The following CUX1 variants were observed in gnomAD, a reference collection of about 807,000 sequenced individuals.
The protein encoded by CUX1 is protein CASP.
Under a neutral mutation model 158.8 loss-of-function variants are expected in CUX1, and 31 were observed. The observed-to-expected ratio is 0.20, with a 90% CI of 0.15 to 0.26. CUX1 has a LOEUF of 0.26. Ranked by LOEUF, CUX1 falls within the 10% of genes least tolerant of loss-of-function variation. CUX1 has a pLI of 1.00. For missense variants in CUX1, 1,589 were observed against 2,014.6 expected, an observed-to-expected ratio of 0.79 and a Z score of 4.04; for synonymous variants, 879 against 862.1, an observed-to-expected ratio of 1.02 and a Z score of -0.34.
At chr7:102,259,549 C>A (rs1001173586), downstream of CUX1, among the ~76,000 whole-genome samples, 1 of 152,162 alleles carries the variant, frequency 6.6e-6, no homozygotes, top group African/African-American at 2.4e-5. Flanking sequence ...GATTGTGCCA[C>A]TGCACTCCGG....
At chr7:102,094,804 G>A (rs1262713721) in intron 4 of CUX1, among the ~76,000 whole-genome samples, 3 of 152,136 alleles carry the variant, frequency 2.0e-5, no homozygotes, top group Non-Finnish European at 4.4e-5. Context: ...GGCTGTGAAC[G>A]GGCTGTTCAC....
chr7:101,878,261 A>G (rs1162736361), intron 1 of CUX1, among the ~76,000 whole-genome samples: 1 of 152,108 alleles, frequency 6.6e-6, no homozygotes, highest in Non-Finnish European at 1.5e-5. Flanking sequence ...CCCCTTGGTT[A>G]TTTTACTAAC....
chr7:101,997,741 C>T lies in CUX1; in HGVS notation c.142-30357C>T, dbSNP rs145806367. Among the ~76,000 whole-genome samples, 276 of 152,250 alleles carry T rather than the reference C, an allele frequency of 1.8e-3. 2 individuals are homozygous for T. Among genetic ancestry groups the T allele is most frequent in the African/African-American group, 6.2e-3 (259 of 41,484 alleles). ...TGTGCCCATTGTACAGATGGCAGAG[C>T]GCAGCTGTGTGTGCAGTGCGGATTG... On this transcript the variant is annotated intron_variant, in intron 2 of 23. Transcript: ENST00000292535.
chr7:102,112,595 G>GGTCTTGCTCTGTCACCC (rs1554490511), intron 7 of CUX1, among the ~76,000 whole-genome samples: 5 of 146,116 alleles, frequency 3.4e-5, no homozygotes, highest in Admixed American at 3.4e-4. Flanking sequence ...TTTGAGACAG[G>GGTCTTGCTCTGTCACCC]GTCTTGCTCT....
chr7:102,086,194 A>G (rs1827937751), intron 4 of CUX1, among the ~76,000 whole-genome samples: 1 of 150,458 alleles, frequency 6.6e-6, no homozygotes, highest in Non-Finnish European at 1.5e-5. Flanking sequence ...AGGCTTATCA[A>G]TTTTAAAGTT....
At chr7:102,128,435 G>T (rs1446934405) in intron 8 of CUX1, among the ~76,000 whole-genome samples, 4 of 151,336 alleles carry the variant, frequency 2.6e-5, no homozygotes, top group South Asian at 4.2e-4. Context: ...TGGCCCTTTT[G>T]TCAGCCTCTT....
At chr7:102,234,778 AAT>A (rs1799368979) in intron 22 of CUX1, among the ~76,000 whole-genome samples, 2 of 148,878 alleles carry the variant, frequency 1.3e-5, no homozygotes, top group African/African-American at 2.5e-5. Context: ...AAAAAAAAAA[AAT>A]ATAGCCAAGC....
chr7:102,035,129 TA>T (rs1376649689), intron 3 of CUX1, among the ~76,000 whole-genome samples: 3 of 149,658 alleles, frequency 2.0e-5, no homozygotes, highest in African/African-American at 4.9e-5. Context: ...GAATACCTAC[TA>T]TTGCTACTTT....
intron 21 of CUX1, 107 bp from the exon 22 acceptor site, chr7:102,233,945 C>T: frequency 4.5e-6 from 4 of 881,726 alleles, no homozygotes; most frequent in Non-Finnish European, 6.4e-6. Flanking sequence ...CAGCCCAACC[C>T]TGAGCCTTTA....
At chr7:102,235,693 C>A (rs1343719629) in intron 22 of CUX1, among the ~76,000 whole-genome samples, 5 of 149,428 alleles carry the variant, frequency 3.3e-5, no homozygotes, top group African/African-American at 7.4e-5. Flanking sequence ...CACAGCGAGA[C>A]CCCATCTCAA....
intron 20 of CUX1, among the ~76,000 whole-genome samples, chr7:102,281,597 A>C (rs552995211): frequency 6.6e-6 from 1 of 152,140 alleles, no homozygotes; most frequent in South Asian, 2.1e-4. Context: ...CAGGAGGTGG[A>C]GGTTGCAGTG....
intron 1 of CUX1, among the ~76,000 whole-genome samples, chr7:101,831,667 C>T (rs967353498): frequency 3.3e-5 from 5 of 151,786 alleles, no homozygotes; most frequent in African/African-American, 9.7e-5. Flanking sequence ...TGGGAACAGA[C>T]GGAGCAGGAC....
At chr7:102,112,064 A>G in intron 7 of CUX1, 1 of 276,062 alleles carries the variant, frequency 3.6e-6, no homozygotes, top group South Asian at 7.4e-5. Context: ...CTTCTAAATC[A>G]CCAAACTGTC....
chr7:102,173,789 C>T (rs1554511062), intron 10 of CUX1, among the ~76,000 whole-genome samples: 3 of 152,104 alleles, frequency 2.0e-5, no homozygotes, highest in Admixed American at 1.3e-4. Flanking sequence ...ACTTCATCAT[C>T]GGTTAAGTGC....
chr7:101,857,341 A>G (rs1796963939), intron 1 of CUX1, among the ~76,000 whole-genome samples: 1 of 152,278 alleles, frequency 6.6e-6, no homozygotes, highest in Non-Finnish European at 1.5e-5. Context: ...TTTCTTCTTC[A>G]GGAGTTAAGA....
At chr7:101,910,897 C>G (rs574215796) in intron 1 of CUX1, among the ~76,000 whole-genome samples, 1 of 152,272 alleles carries the variant, frequency 6.6e-6, no homozygotes, top group African/African-American at 2.4e-5. Flanking sequence ...TCTGAAATGC[C>G]TGGCAGAAAG....
At chr7:102,225,164 C>A (rs1477076024) in intron 20 of CUX1, among the ~76,000 whole-genome samples, 2 of 152,124 alleles carry the variant, frequency 1.3e-5, no homozygotes, top group Non-Finnish European at 2.9e-5. Context: ...GCCTCTTACG[C>A]TTGTCTCTTC....
chr7:102,280,836 C>T (rs781929501), exon 20 of CUX1: 1 of 1,612,916 alleles, frequency 6.2e-7, no homozygotes, highest in Admixed American at 1.7e-5. Flanking sequence ...GCTTGAGTCC[C>T]TGGGACAAGG....
intron 3 of CUX1, among the ~76,000 whole-genome samples, chr7:102,030,691 G>GGTTTTTTTTTTTTGTTTTTTGTTT (rs537970250): frequency 9.0e-4 from 108 of 119,406 alleles, no homozygotes; most frequent in African/African-American, 3.2e-3. Context: ...TTTAAAAAGT[G>GGTTTTTTTTTTTTGTTTTTTGTTT]TTTTTTTTTT....
Sources: gnomAD v4.1 joint callset for allele counts (sites outside exome capture counted in the v4.1 genomes callset) on GRCh38, gnomAD v4.1.1 for gene constraint, MANE v1.5 for transcripts, NCBI Gene and HGNC (gene_info 2026-07-23, HGNC 2026-07-21) for gene names.